The following TEX36 variants were observed in gnomAD, a reference collection of about 807,000 sequenced individuals.
TEX36 encodes the protein testis-expressed protein 36.
Under a neutral mutation model 13.6 loss-of-function variants are expected in TEX36, and 12 were observed. The observed-to-expected ratio is 0.88, with a 90% CI of 0.56 to 1.43. The LOEUF is 1.43. Among genes scored for constraint, TEX36 ranks in the 40% most tolerant of loss-of-function variants. TEX36 has a pLI of 0.00. For synonymous variants in TEX36, 93 were observed against 83.0 expected (o/e 1.12, Z -0.65); for missense variants, 224 against 228.3 (o/e 0.98, Z 0.12).
At chr10:125,592,446 T>C (rs1846032846) in intron 3 of TEX36, among the ~76,000 whole-genome samples, 1 of 152,172 alleles carries the variant, frequency 6.6e-6, no homozygotes, top group Non-Finnish European at 1.5e-5. Flanking sequence ...GAATTTTATG[T>C]TGAGATTTCT....
intron 3 of TEX36, among the ~76,000 whole-genome samples, chr10:125,609,479 A>G (rs1023856442): frequency 6.6e-6 from 1 of 152,216 alleles, no homozygotes; most frequent in East Asian, 1.9e-4. Context: ...GAATGTGAGT[A>G]GCAACCTGCT....
At chr10:125,677,723 C>T (rs956182149) in intron 1 of TEX36, among the ~76,000 whole-genome samples, 4 of 152,050 alleles carry the variant, frequency 2.6e-5, no homozygotes, top group South Asian at 2.1e-4. Flanking sequence ...ACTCTATTGC[C>T]GAGGCTGAAG....
intron 3 of TEX36, among the ~76,000 whole-genome samples, chr10:125,643,857 A>T (rs1846726565): frequency 1.3e-5 from 2 of 152,190 alleles, no homozygotes; most frequent in Non-Finnish European, 2.9e-5. Context: ...GATTGCAATG[A>T]GCCCAGATGG....
chr10:125,680,530 T>C (rs1847377216), intron 1 of TEX36, among the ~76,000 whole-genome samples: 2 of 152,138 alleles, frequency 1.3e-5, no homozygotes, highest in Admixed American at 1.3e-4. Context: ...GACTGAAATA[T>C]TAAATAGGAA....
intron 3 of TEX36, among the ~76,000 whole-genome samples, chr10:125,626,809 A>T (rs1846495938): frequency 6.6e-6 from 1 of 152,224 alleles, no homozygotes; most frequent in Non-Finnish European, 1.5e-5. Flanking sequence ...ACCTGCACAC[A>T]AACCAAGCTA....
At chr10:125,639,643 A>T (rs1016132394) in intron 3 of TEX36, among the ~76,000 whole-genome samples, 17 of 152,198 alleles carry the variant, frequency 1.1e-4, no homozygotes, top group African/African-American at 3.9e-4. Flanking sequence ...GGCTGTGGCC[A>T]TATTAAGGAA....
chr10:125,653,219 A>G (rs1846889827), downstream of TEX36, among the ~76,000 whole-genome samples: 1 of 152,284 alleles, frequency 6.6e-6, no homozygotes, highest in African/African-American at 2.4e-5. Context: ...TCACAATAGC[A>G]AAGACTTGGA....
intron 3 of TEX36, among the ~76,000 whole-genome samples, chr10:125,608,460 G>A (rs1171717475): frequency 1.3e-5 from 2 of 150,176 alleles, no homozygotes; most frequent in Non-Finnish European, 2.9e-5. Flanking sequence ...TATGGGTTGG[G>A]AATCTGACAT....
chr10:125,634,772 T>A (rs554662633), intron 3 of TEX36, among the ~76,000 whole-genome samples: 13 of 152,296 alleles, frequency 8.5e-5, no homozygotes, highest in Admixed American at 6.5e-4. Flanking sequence ...GCTGAAAACA[T>A]CCACCAGTTC....
chr10:125,626,324 G>A lies in TEX36; in HGVS notation c.265-4679C>T, dbSNP rs190052734. On this transcript the variant is annotated intron_variant, in intron 3 of 3. Coordinates refer to the TEX36 transcript ENST00000526819. ...AGCCTTCCTGCCTTCACTTTCCACA[G>A]AGGGTGCTGAGTGCCCCCTATATCC... 3.9e-5 allele frequency among the ~76,000 whole-genome samples: 6 copies of A among 152,304 alleles called. No homozygotes were observed. In the East Asian group the frequency reaches 1.2e-3, roughly 29 times the overall value.
chr10:125,629,660 T>C lies in TEX36; in HGVS notation c.265-8015A>G, dbSNP rs297237. 7.7e-3 allele frequency among the ~76,000 whole-genome samples: 1,178 copies of C among 152,338 alleles called. 17 individuals carry two copies. Among genetic ancestry groups the C allele is most frequent in the African/African-American group, 0.027 (1,127 of 41,584 alleles). On this transcript the variant is annotated intron_variant, in intron 3 of 3. Transcript: ENST00000526819. Reference sequence around the variant, plus strand: ...GTTTTCATGACAAGAATATATTTTATAATAAATACAAATATGGCATTGTTA... The same window carrying C: ...GTTTTCATGACAAGAATATATTTTACAATAAATACAAATATGGCATTGTTA...
intron 3 of TEX36, among the ~76,000 whole-genome samples, chr10:125,594,689 A>G (rs1163671027): frequency 1.3e-5 from 2 of 152,266 alleles, no homozygotes; most frequent in African/African-American, 4.8e-5. Context: ...AAAGTTCAAA[A>G]TATCAAAATC....
At chr10:125,617,847 G>C (rs531730616), downstream of TEX36, among the ~76,000 whole-genome samples, 1 of 152,114 alleles carries the variant, frequency 6.6e-6, no homozygotes, top group Non-Finnish European at 1.5e-5. Flanking sequence ...TTGCTAGATT[G>C]GGGAAGTTCT....
At chr10:125,605,406 C>T (rs768293822) in intron 3 of TEX36, among the ~76,000 whole-genome samples, 22 of 151,906 alleles carry the variant, frequency 1.4e-4, no homozygotes, top group African/African-American at 4.1e-4. Context: ...AATCTCCACA[C>T]GCAGCGTAGT....
chr10:125,654,332 T>C (rs556130753), downstream of TEX36, among the ~76,000 whole-genome samples: 2 of 152,122 alleles, frequency 1.3e-5, no homozygotes, highest in East Asian at 1.9e-4. Context: ...AATATCAAAA[T>C]AGCCAATAGA....
chr10:125,580,955 A>G (rs1845874806), intron 3 of TEX36, among the ~76,000 whole-genome samples: 1 of 152,198 alleles, frequency 6.6e-6, no homozygotes, highest in Admixed American at 6.5e-5. Flanking sequence ...AGCAACCTGA[A>G]GAAAGCCCAC....
At chr10:125,679,871 G>C (rs911787518) in intron 1 of TEX36, among the ~76,000 whole-genome samples, 3 of 152,002 alleles carry the variant, frequency 2.0e-5, no homozygotes, top group Non-Finnish European at 4.4e-5. Flanking sequence ...GGTAGCTTTG[G>C]GTTGCTTTCT....
chr10:125,667,728 C>A (rs561831340), intron 1 of TEX36: 2 of 777,032 alleles, frequency 2.6e-6, no homozygotes, highest in Middle Eastern at 5.1e-4. Flanking sequence ...ATGACGTCCC[C>A]GATGCAGGGG....
chr10:125,584,941 G>A (rs1031287214), intron 3 of TEX36, among the ~76,000 whole-genome samples: 7 of 152,168 alleles, frequency 4.6e-5, no homozygotes, highest in African/African-American at 1.7e-4. Context: ...GTTTCTTCAT[G>A]TCATAGATAG....
Sources: allele counts gnomAD v4.1 joint callset (sites outside exome capture counted in the v4.1 genomes callset), GRCh38; gene constraint gnomAD v4.1.1; transcripts MANE v1.5; gene names NCBI Gene and HGNC (gene_info 2026-07-23, HGNC 2026-07-21).